DRC11: variants seen among roughly 807,000 people sequenced by gnomAD.
DRC11 encodes the protein dynein regulatory complex subunit 11.
At chr2:236,371,646 C>T in the DRC11 span, among the ~76,000 whole-genome samples, 1 of 152,206 alleles carries the variant, frequency 6.6e-6, no homozygotes, top group Non-Finnish European at 1.5e-5. This position sits in a 1 kb window ranked among gnomAD's most constrained non-coding sequence, Gnocchi z 5.1. Flanking sequence ...AGAATGCTCA[C>T]TACCAATCCT....
chr2:236,357,165 TATC>T, the DRC11 span, among the ~76,000 whole-genome samples: 43 of 117,576 alleles, frequency 3.7e-4, no homozygotes, highest in African/African-American at 8.0e-4. Flanking sequence ...TATTCATATA[TATC>T]TATATATTAT....
At chr2:236,444,188 G>A in the DRC11 span, among the ~76,000 whole-genome samples, 3 of 152,206 alleles carry the variant, frequency 2.0e-5, no homozygotes, top group East Asian at 5.8e-4. Flanking sequence ...AAACTCTTTA[G>A]TTTAATTAGA....
the DRC11 span, among the ~76,000 whole-genome samples, chr2:236,323,137 T>C: frequency 1.3e-5 from 2 of 152,258 alleles, no homozygotes; most frequent in African/African-American, 4.8e-5. The surrounding 1 kb of genome is among the most constrained non-coding windows in gnomAD (Gnocchi z 6.4). Flanking sequence ...TTCTTTGCAG[T>C]GCAGATGTCA....
the DRC11 span, among the ~76,000 whole-genome samples, chr2:236,475,765 GTCTAGCTTTAA>G: frequency 6.6e-6 from 1 of 152,154 alleles, no homozygotes. The surrounding 1 kb of genome is among the most constrained non-coding windows in gnomAD (Gnocchi z 4.8). Flanking sequence ...AGATATAGGG[GTCTAGCTTTAA>G]TCTTCTGCAT....
At chr2:236,377,119 G>T in the DRC11 span, 1 of 1,607,578 alleles carries the variant, frequency 6.2e-7, no homozygotes. The surrounding 1 kb of genome is among the most constrained non-coding windows in gnomAD (Gnocchi z 4.9). Context: ...AATCAGAGAG[G>T]TTGACTTTCA....
At chr2:236,481,275 T>A in the DRC11 span, among the ~76,000 whole-genome samples, 3 of 152,214 alleles carry the variant, frequency 2.0e-5, no homozygotes, top group African/African-American at 7.2e-5. Context: ...GCAGGGATAG[T>A]TCTCCTGCAA....
the DRC11 span, among the ~76,000 whole-genome samples, chr2:236,429,818 G>A: frequency 2.3e-3 from 345 of 152,290 alleles, 1 homozygote; most frequent in African/African-American, 7.8e-3. The surrounding 1 kb of genome is among the most constrained non-coding windows in gnomAD (Gnocchi z 5.9). Flanking sequence ...CCTGGAGACT[G>A]TGAAGGTGAA....
chr2:236,315,010 G>A, the DRC11 span, among the ~76,000 whole-genome samples: 1 of 152,162 alleles, frequency 6.6e-6, no homozygotes, highest in Non-Finnish European at 1.5e-5. This position sits in a 1 kb window ranked among gnomAD's most constrained non-coding sequence, Gnocchi z 5.1. Context: ...AAAACAAGGT[G>A]GGATGACTTA....
the DRC11 span, among the ~76,000 whole-genome samples, chr2:236,326,793 TGTGTGTGTGTGTGTG>T: frequency 1.4e-4 from 1 of 7,264 alleles, no homozygotes; most frequent in Non-Finnish European, 2.7e-4. Context: ...TCAGATTTGT[TGTGTGTGTGTGTGTG>T]TGTGTGTGTG....
the DRC11 span, among the ~76,000 whole-genome samples, chr2:236,363,061 G>A: frequency 4.6e-5 from 7 of 152,240 alleles, no homozygotes; most frequent in Non-Finnish European, 7.3e-5. The surrounding 1 kb of genome is among the most constrained non-coding windows in gnomAD (Gnocchi z 5.6). Context: ...ATATGGGACA[G>A]TGTTTGCCAC....
the DRC11 span, among the ~76,000 whole-genome samples, chr2:236,396,309 G>GC: frequency 2.6e-5 from 3 of 115,414 alleles, no homozygotes; most frequent in South Asian, 7.4e-4. Context: ...GGGCGGGGGG[G>GC]GGTTAATCTT....
the DRC11 span, chr2:236,486,984 C>T: frequency 1.0e-6 from 1 of 997,482 alleles, no homozygotes; most frequent in Non-Finnish European, 1.5e-6. This position sits in a 1 kb window ranked among gnomAD's most constrained non-coding sequence, Gnocchi z 5.7. Context: ...ATAAACTGCA[C>T]ATCTCAAAAT....
the DRC11 span, among the ~76,000 whole-genome samples, chr2:236,352,569 CA>C: frequency 6.6e-6 from 1 of 152,162 alleles, no homozygotes; most frequent in African/African-American, 2.4e-5. The surrounding 1 kb of genome is among the most constrained non-coding windows in gnomAD (Gnocchi z 7.0). Flanking sequence ...TGTGGAAAAG[CA>C]GTGTTCTTTA....
the DRC11 span, chr2:236,488,246 G>T: frequency 7.8e-7 from 1 of 1,285,314 alleles, no homozygotes; most frequent in Non-Finnish European, 1.0e-6. Context: ...CACATCAATT[G>T]ATCCCAGACA....
the DRC11 span, among the ~76,000 whole-genome samples, chr2:236,348,259 C>T: frequency 2.6e-5 from 4 of 152,130 alleles, no homozygotes; most frequent in African/African-American, 9.7e-5. The surrounding 1 kb of genome is among the most constrained non-coding windows in gnomAD (Gnocchi z 7.4). Context: ...GAGAAAGTTG[C>T]CACAGGAGGG....
At chr2:236,419,137 C>G in the DRC11 span, 5 of 1,512,968 alleles carry the variant, frequency 3.3e-6, no homozygotes, top group Non-Finnish European at 4.4e-6. The surrounding 1 kb of genome is among the most constrained non-coding windows in gnomAD (Gnocchi z 4.8). Flanking sequence ...AAATTTCATA[C>G]AAATATTTTA....
the DRC11 span, among the ~76,000 whole-genome samples, chr2:236,381,421 C>T: frequency 1.0e-3 from 155 of 151,586 alleles, 6 homozygotes; most frequent in East Asian, 0.028. The surrounding 1 kb of genome is among the most constrained non-coding windows in gnomAD (Gnocchi z 5.8). Flanking sequence ...AATTACTCAG[C>T]CTAAGAACGT....
chr2:236,502,744 C>G, the DRC11 span, among the ~76,000 whole-genome samples: 1 of 151,658 alleles, frequency 6.6e-6, no homozygotes, highest in Admixed American at 6.6e-5. Context: ...TCAGTGCAAG[C>G]AGAAGTCACT....
At chr2:236,368,111 G>T in the DRC11 span, 1 of 838,082 alleles carries the variant, frequency 1.2e-6, no homozygotes, top group South Asian at 1.4e-5. Context: ...TACTTTTGAT[G>T]ACAAACAGGA....
Sources: allele counts gnomAD v4.1 joint callset (sites outside exome capture counted in the v4.1 genomes callset), GRCh38; gene constraint gnomAD v4.1.1; non-coding constraint Gnocchi (gnomAD v3.1); transcripts MANE v1.5; gene names NCBI Gene and HGNC (gene_info 2026-07-23, HGNC 2026-07-21).